Variants in PALS1 observed in about 807,000 individuals in gnomAD.
The protein encoded by PALS1 is protein PALS1.
A neutral mutation model predicts 78.9 loss-of-function variants in PALS1; 31 were observed. The ratio of observed to expected loss-of-function variants is 0.39; its 90% CI spans 0.30 to 0.53. The LOEUF (loss-of-function observed/expected upper bound fraction) is 0.53, where lower values mean the gene tolerates loss of function less well. Ranked by LOEUF, PALS1 falls within the 20% of genes least tolerant of loss-of-function variation. PALS1 has a pLI of 0.67. For synonymous variants in PALS1, 276 were observed against 270.9 expected (o/e 1.02, Z -0.18); for missense variants, 704 against 826.5 (o/e 0.85, Z 1.82).
chr14:67,264,675 A>G (rs2084291301), intron 1 of PALS1, among the ~76,000 whole-genome samples: 1 of 152,210 alleles, frequency 6.6e-6, no homozygotes, highest in Admixed American at 6.5e-5. Flanking sequence ...TAAATTGTAA[A>G]TGCAACAGTG....
chr14:67,302,272 T>C (rs2084942056), intron 6 of PALS1, 138 bp from the exon 7 acceptor site: 1 of 1,047,428 alleles, frequency 9.5e-7, no homozygotes, highest in South Asian at 2.9e-5. Flanking sequence ...TTACAATTAC[T>C]CTAGTTGTGT....
intron 4 of PALS1, among the ~76,000 whole-genome samples, chr14:67,297,687 G>A (rs986835545): frequency 2.7e-5 from 4 of 146,804 alleles, no homozygotes; most frequent in Admixed American, 6.8e-5. Context: ...AAATATTTAA[G>A]TAGAAAATTA....
At chr14:67,296,853 G>A (rs1443490245) in intron 4 of PALS1, among the ~76,000 whole-genome samples, 1 of 152,008 alleles carries the variant, frequency 6.6e-6, no homozygotes, top group African/African-American at 2.4e-5. Context: ...TCCCACCTCA[G>A]CCTCCTGAAT....
intron 1 of PALS1, among the ~76,000 whole-genome samples, 198 bp from the exon 2 acceptor site, chr14:67,269,503 A>G (rs1190652762): frequency 6.6e-6 from 1 of 152,188 alleles, no homozygotes; most frequent in Non-Finnish European, 1.5e-5. Flanking sequence ...ACTAATATAC[A>G]ACAACATAAA....
intron 3 of PALS1, among the ~76,000 whole-genome samples, chr14:67,286,855 CAAAAAA>C (rs201923149): frequency 4.5e-5 from 3 of 67,208 alleles, no homozygotes; most frequent in African/African-American, 1.4e-4. Flanking sequence ...GACCTGGTCT[CAAAAAA>C]AAAAAAAAAA....
At chr14:67,246,412 A>G (rs1012684477) in intron 1 of PALS1, among the ~76,000 whole-genome samples, 1 of 151,914 alleles carries the variant, frequency 6.6e-6, no homozygotes, top group Admixed American at 6.6e-5. Flanking sequence ...TGGTGTGAAT[A>G]TGGCTCACTG....
At chr14:67,248,738 A>G (rs1412862592) in intron 1 of PALS1, among the ~76,000 whole-genome samples, 1 of 152,188 alleles carries the variant, frequency 6.6e-6, no homozygotes, top group Non-Finnish European at 1.5e-5. Context: ...CAAACAAATG[A>G]GCATGACTTT....
At chr14:67,327,191 T>G (rs1213952482) in intron 14 of PALS1, among the ~76,000 whole-genome samples, 1 of 152,134 alleles carries the variant, frequency 6.6e-6, no homozygotes, top group East Asian at 1.9e-4. Flanking sequence ...AAAAAATTTT[T>G]TTTGAGCTAG....
At chr14:67,323,232 C>CGTGTGTGTGTGTGTGTGTGTGTGT (rs35018637) in intron 13 of PALS1, among the ~76,000 whole-genome samples, 4 of 143,592 alleles carry the variant, frequency 2.8e-5, no homozygotes, top group African/African-American at 7.8e-5. Flanking sequence ...CATATATACA[C>CGTGTGTGTGTGTGTGTGTGTGTGT]GTGTGTGTGT....
At chr14:67,309,872 T>C (rs1435828436) in intron 8 of PALS1, among the ~76,000 whole-genome samples, 3 of 152,132 alleles carry the variant, frequency 2.0e-5, no homozygotes, top group Non-Finnish European at 4.4e-5. Context: ...TTTCAGAAAG[T>C]GATTTGATAA....
At chr14:67,272,324 C>T (rs1403746581) in intron 2 of PALS1, among the ~76,000 whole-genome samples, 2 of 152,140 alleles carry the variant, frequency 1.3e-5, no homozygotes, top group Non-Finnish European at 2.9e-5. Context: ...ATCTTCCCAC[C>T]TTTGGTTCAT....
intron 2 of PALS1, among the ~76,000 whole-genome samples, chr14:67,276,280 T>G (rs1248638935): frequency 6.6e-6 from 1 of 152,228 alleles, no homozygotes; most frequent in Non-Finnish European, 1.5e-5. Context: ...CATGTTCCCA[T>G]TGTCCCATCC....
Position 67,279,061 on chromosome 14 carries a change from G to T in PALS1, c.-110G>T. 2 of 1,074,692 alleles carry T rather than the reference G, an allele frequency of 1.9e-6. No individual in the cohort carries two copies. Among genetic ancestry groups the T allele is most frequent in the Non-Finnish European group, 2.5e-6 (2 of 785,950 alleles). 66.6% of individuals were successfully genotyped at this position (1,074,692 alleles called of 1,614,324 possible). A position where few individuals can be genotyped will look rare whatever the true frequency, so the allele number is the denominator to read the frequency against. On this transcript the variant is annotated 5_prime_UTR_variant, in exon 3 of 15. The change abolishes the stop of an existing upstream ORF in the 5' untranslated region. Transcript: ENST00000261681. ...TTTTCATAGCATTATTATGTGATGTGAGAAGTTTTTTTTTTTGAAGTAACA... is the reference window on the plus strand; with the variant it reads ...TTTTCATAGCATTATTATGTGATGTTAGAAGTTTTTTTTTTTGAAGTAACA...
chr14:67,297,699 T>C (rs913958713), intron 4 of PALS1, among the ~76,000 whole-genome samples: 4 of 131,110 alleles, frequency 3.1e-5, no homozygotes. Flanking sequence ...AGAAAATTAA[T>C]AGGACATAGT....
intron 13 of PALS1, among the ~76,000 whole-genome samples, chr14:67,321,519 C>T (rs2085264935): frequency 6.6e-6 from 1 of 152,146 alleles, no homozygotes; most frequent in Admixed American, 6.5e-5. Context: ...TTTTGAATTT[C>T]AGAATTTCTC....
intron 9 of PALS1, among the ~76,000 whole-genome samples, chr14:67,315,195 T>A (rs1407877867): frequency 6.6e-6 from 1 of 152,162 alleles, no homozygotes; most frequent in Non-Finnish European, 1.5e-5. Flanking sequence ...CATTGTAATG[T>A]TTTACATTTT....
chr14:67,319,119 T>C (rs1359724257), intron 11 of PALS1, among the ~76,000 whole-genome samples: 1 of 151,864 alleles, frequency 6.6e-6, no homozygotes, highest in Admixed American at 6.5e-5. Context: ...AACTAATACA[T>C]GATTGGTTGA....
At chr14:67,246,293 A>T (rs930751799) in intron 1 of PALS1, among the ~76,000 whole-genome samples, 1 of 151,418 alleles carries the variant, frequency 6.6e-6, no homozygotes, top group African/African-American at 2.4e-5. Context: ...CACTTGGCTG[A>T]TTTTTAAATT....
chr14:67,302,238 G>A, intron 6 of PALS1, 120 bp downstream of exon 6: 1 of 1,218,538 alleles, frequency 8.2e-7, no homozygotes, highest in Non-Finnish European at 1.1e-6. Flanking sequence ...AAGTGTGGGG[G>A]AAATGGTCAA....
Sources: allele counts gnomAD v4.1 joint callset (sites outside exome capture counted in the v4.1 genomes callset), GRCh38; gene constraint gnomAD v4.1.1; transcripts MANE v1.5; gene names NCBI Gene and HGNC (gene_info 2026-07-23, HGNC 2026-07-21).